GRIP1: variants seen among roughly 807,000 people sequenced by gnomAD.
GRIP1 encodes the protein glutamate receptor interacting protein 1.
In GRIP1, 45 loss-of-function variants were observed where a neutral mutation model predicts 129.9. That is an observed-to-expected ratio of 0.35 (90% confidence interval 0.27 to 0.44). GRIP1 has a LOEUF of 0.44. GRIP1 is among the 20% of genes least tolerant of loss of function. GRIP1 has a pLI of 1.00. For missense variants in GRIP1, 1,196 were observed against 1,396.8 expected (o/e 0.86, Z 2.29); for synonymous variants, 530 against 520.8 (o/e 1.02, Z -0.24).
intron 1 of GRIP1, among the ~76,000 whole-genome samples, chr12:67,021,324 A>T (rs183844690): frequency 1.3e-4 from 20 of 152,248 alleles, no homozygotes; most frequent in Admixed American, 1.3e-3. Flanking sequence ...CAACAAAAAG[A>T]TCTGTTTGCA....
At chr12:66,389,082 G>A (rs1391219245) in intron 19 of GRIP1, among the ~76,000 whole-genome samples, 2 of 152,290 alleles carry the variant, frequency 1.3e-5, no homozygotes, top group East Asian at 3.9e-4. Flanking sequence ...GCCTTAAAGG[G>A]AACAGAGAGA....
At chr12:66,971,985 G>A (rs1209632922) in intron 1 of GRIP1, among the ~76,000 whole-genome samples, 4 of 152,116 alleles carry the variant, frequency 2.6e-5, no homozygotes, top group East Asian at 3.9e-4. Flanking sequence ...TGCCAGAAGC[G>A]GAAATGTGTT....
At chr12:66,598,104 T>C (rs1007077624) in intron 1 of GRIP1, among the ~76,000 whole-genome samples, 1 of 152,200 alleles carries the variant, frequency 6.6e-6, no homozygotes, top group Non-Finnish European at 1.5e-5. Flanking sequence ...CATGACAAAC[T>C]ATTACATATA....
chr12:67,035,858 T>G (rs1205766830), intron 1 of GRIP1, among the ~76,000 whole-genome samples: 1 of 152,166 alleles, frequency 6.6e-6, no homozygotes, highest in Non-Finnish European at 1.5e-5. Flanking sequence ...TTACGTGCAT[T>G]TTTAACTTCT....
chr12:66,401,609 TACACACACACACACACACAC>T (rs71096099), intron 16 of GRIP1, among the ~76,000 whole-genome samples: 20 of 110,176 alleles, frequency 1.8e-4, no homozygotes, highest in Admixed American at 2.9e-4. Context: ...TATATATATA[TACACACACACACACACACAC>T]ACACACACAC....
At chr12:66,801,031 A>T (rs1439588284) in intron 1 of GRIP1, among the ~76,000 whole-genome samples, 1 of 152,142 alleles carries the variant, frequency 6.6e-6, no homozygotes, top group Non-Finnish European at 1.5e-5. Context: ...CAGGATATTT[A>T]GGTGATTTCT....
chr12:66,363,983 T>C (rs1319619018), intron 23 of GRIP1, among the ~76,000 whole-genome samples: 1 of 152,014 alleles, frequency 6.6e-6, no homozygotes, highest in Non-Finnish European at 1.5e-5. Flanking sequence ...GTGGGCATGG[T>C]GGCTCATGCC....
At chr12:67,022,771 C>A (rs1419924154) in intron 1 of GRIP1, among the ~76,000 whole-genome samples, 1 of 152,040 alleles carries the variant, frequency 6.6e-6, no homozygotes, top group African/African-American at 2.4e-5. Context: ...GGGTATACCA[C>A]GTGGTACTGA....
chr12:66,836,421 T>G (rs182496067), intron 1 of GRIP1, among the ~76,000 whole-genome samples: 1 of 152,282 alleles, frequency 6.6e-6, no homozygotes. Flanking sequence ...AGCAATGACA[T>G]AGTGGCAATT....
At position 66,348,900 on chromosome 12, in the gene GRIP1, T is replaced by A; in HGVS notation, c.*119A>T. On this transcript the variant is annotated 3_prime_UTR_variant, in exon 25 of 25. Coordinates refer to ENST00000359742, the MANE Select transcript of GRIP1 (RefSeq NM_001366722.1). ...CCATGAGAGAGATTTAAAAGACCCC[T>A]GTGCTTGCAGTTAATGCCACGTTGA... The A allele has an allele frequency of 1.2e-6, 1 of 802,736 alleles. No individual in the cohort carries two copies. Among genetic ancestry groups the A allele is most frequent in the Non-Finnish European group, 2.3e-6 (1 of 443,604 alleles). 49.7% of individuals were successfully genotyped at this position (802,736 alleles called of 1,614,324 possible). A position where few individuals can be genotyped will look rare whatever the true frequency, so the allele number is the denominator to read the frequency against.
At chr12:66,731,496 C>A (rs1193186235) in intron 1 of GRIP1, among the ~76,000 whole-genome samples, 1 of 152,114 alleles carries the variant, frequency 6.6e-6, no homozygotes, top group South Asian at 2.1e-4. Context: ...TCCAATGAGA[C>A]CTGTTTATAA....
chr12:66,596,277 A>G (rs534152222), intron 2 of GRIP1, among the ~76,000 whole-genome samples: 7 of 152,288 alleles, frequency 4.6e-5, no homozygotes, highest in Non-Finnish European at 2.9e-5. Context: ...GTTTTGGGGT[A>G]AAGACATTTA....
At chr12:66,635,957 G>T (rs1028162122) in intron 1 of GRIP1, among the ~76,000 whole-genome samples, 3 of 152,122 alleles carry the variant, frequency 2.0e-5, no homozygotes, top group Non-Finnish European at 4.4e-5. Context: ...TTGTACACCC[G>T]TGTTCATAGG....
chr12:66,642,080 G>T (rs1345230160), intron 1 of GRIP1, among the ~76,000 whole-genome samples: 1 of 152,118 alleles, frequency 6.6e-6, no homozygotes. Flanking sequence ...AGTCTCGTGG[G>T]GGAGAGAAGC....
intron 13 of GRIP1, among the ~76,000 whole-genome samples, chr12:66,441,087 C>T (rs781771441): frequency 3.3e-5 from 5 of 152,210 alleles, no homozygotes; most frequent in Non-Finnish European, 7.3e-5. Context: ...CCTCAGCTCA[C>T]TGCAATCTGA....
At chr12:66,363,200 C>CATATATATATATATATATATAT (rs35452357) in intron 23 of GRIP1, among the ~76,000 whole-genome samples, 15 of 88,236 alleles carry the variant, frequency 1.7e-4, no homozygotes, top group South Asian at 3.8e-4. Flanking sequence ...TGTGTGTGTC[C>CATATATATATATATATATATAT]ATATATATAT....
At chr12:66,517,620 C>G (rs1300118423) in intron 6 of GRIP1, among the ~76,000 whole-genome samples, 2 of 152,112 alleles carry the variant, frequency 1.3e-5, no homozygotes, top group African/African-American at 4.8e-5. Flanking sequence ...TTTGATAAAA[C>G]TGATCAGCTC....
intron 1 of GRIP1, among the ~76,000 whole-genome samples, chr12:66,906,800 T>C (rs894090403): frequency 3.3e-5 from 5 of 152,218 alleles, no homozygotes; most frequent in Non-Finnish European, 7.3e-5. Context: ...ACTTTGTCTA[T>C]AGAAAGCTCC....
chr12:66,385,619 A>T (rs35974564), intron 19 of GRIP1, among the ~76,000 whole-genome samples: 8,896 of 152,084 alleles, frequency 0.058, 405 homozygotes, highest in Non-Finnish European at 0.083. Flanking sequence ...TTATTTATTT[A>T]TTTATTTAGA....
Sources: allele counts gnomAD v4.1 joint callset (sites outside exome capture counted in the v4.1 genomes callset), GRCh38; gene constraint gnomAD v4.1.1; transcripts MANE v1.5; gene names NCBI Gene and HGNC (gene_info 2026-07-23, HGNC 2026-07-21).